The following ASXL2 variants were observed in gnomAD, a reference collection of about 807,000 sequenced individuals.
ASXL2 encodes the protein putative Polycomb group protein ASXL2.
Under a neutral mutation model 122.0 loss-of-function variants are expected in ASXL2, and 23 were observed. That is an observed-to-expected ratio of 0.19 (90% CI 0.14 to 0.27). The LOEUF (loss-of-function observed/expected upper bound fraction) is 0.27. ASXL2 is among the 10% of genes least tolerant of loss of function. ASXL2 has a pLI of 1.00. For synonymous variants in ASXL2, 650 were observed against 637.0 expected (o/e 1.02, Z -0.31); for missense variants, 1,518 against 1,713.8 (o/e 0.89, Z 2.02).
intron 3 of ASXL2, among the ~76,000 whole-genome samples, chr2:25,814,346 T>C (rs2089209066): frequency 1.3e-5 from 2 of 152,202 alleles, no homozygotes; most frequent in Non-Finnish European, 2.9e-5. Context: ...CAGAATTCTA[T>C]AATTAAATAA....
intron 1 of ASXL2, among the ~76,000 whole-genome samples, chr2:25,854,808 G>A (rs965186957): frequency 1.1e-4 from 16 of 152,176 alleles, no homozygotes; most frequent in African/African-American, 3.6e-4. Context: ...TATTAATACG[G>A]CCTTGGAACC....
intron 1 of ASXL2, among the ~76,000 whole-genome samples, chr2:25,856,213 T>G (rs1319728985): frequency 6.6e-6 from 1 of 151,720 alleles, no homozygotes; most frequent in Non-Finnish European, 1.5e-5. Context: ...TGTACCACCA[T>G]GCCCAGCTAA....
In ASXL2 at chr2:25,744,276, T is replaced by A. The variant is rs778038567; in HGVS notation, c.2061A>T (p.Gly687=). Residue 687 remains glycine (G), a synonymous_variant, in exon 13 of 13, where the codon GGA becomes GGT. Coordinates refer to ENST00000435504, the MANE Select transcript of ASXL2 (RefSeq NM_018263.6). This position sits in a 1 kb window ranked among gnomAD's most constrained non-coding sequence, Gnocchi z 4.7. ...CTGGGCCAGGTCCTGGAATGGTCCC[T>A]CCAACTGAGGCGGCTGCAGCAGCTG... ...AAAAAAAASV[G]GTIPGPGPGG... 3 of 1,613,332 alleles carry A rather than the reference T, an allele frequency of 1.9e-6. No individual in the cohort carries two copies. In the Admixed American group the frequency reaches 5.0e-5, roughly 27 times the overall value.
chr2:25,763,048 T>C (rs2149149320), intron 8 of ASXL2, among the ~76,000 whole-genome samples: 1 of 152,224 alleles, frequency 6.6e-6, no homozygotes, highest in East Asian at 1.9e-4. Context: ...ACATCCAATA[T>C]AAAGAAACTT....
At chr2:25,824,553 C>G (rs1268624893) in intron 3 of ASXL2, among the ~76,000 whole-genome samples, 1 of 152,098 alleles carries the variant, frequency 6.6e-6, no homozygotes, top group Admixed American at 6.5e-5. Flanking sequence ...TGTACACTAT[C>G]TAAAAACTGT....
In ASXL2 at chr2:25,742,537, T is replaced by C; in HGVS notation, c.3800A>G (p.Gln1267Arg). ...DEKTLARDLI[Q>R]AAQKQMAHAV... ...ATGAGCCATCTGCTTCTGTGCTGCC[T>C]GAATTAAATCTCTGGCTAGGGTCTT... Residue 1267 changes from glutamine to arginine, a missense_variant, in exon 13 of 13, where the codon CAG (glutamine) becomes CGG (arginine). By Grantham distance (43) the Gln-to-Arg change is conservative (BLOSUM62 1). Coordinates refer to ENST00000435504, the MANE Select transcript of ASXL2 (RefSeq NM_018263.6). 1 of 1,614,020 alleles carries C rather than the reference T, an allele frequency of 6.2e-7. No homozygotes were observed. Among genetic ancestry groups the C allele is most frequent in the Non-Finnish European group, 8.5e-7 (1 of 1,179,886 alleles).
chr2:25,861,269 C>T (rs1172919333), intron 1 of ASXL2, among the ~76,000 whole-genome samples: 2 of 152,030 alleles, frequency 1.3e-5, no homozygotes, highest in East Asian at 3.9e-4. Context: ...TTAGTAGTAC[C>T]ACAAATGAAA....
chr2:25,862,520 T>C (rs753640276), intron 1 of ASXL2, among the ~76,000 whole-genome samples: 2 of 152,180 alleles, frequency 1.3e-5, no homozygotes, highest in African/African-American at 2.4e-5. Flanking sequence ...TTCAAATTAA[T>C]TTGACAAGTA....
rs1245804899 is a variant in ASXL2, at chr2:25,778,661, T to C, written c.404-7121A>G. Among the ~76,000 whole-genome samples the C allele has an allele frequency of 2.0e-5, 3 of 152,194 alleles. No homozygotes were observed. The South Asian group carries it at 6.2e-4, about 32-fold the overall frequency. ...CTACATATAATGTTTTAAAAATATA[T>C]ACTTAGCACCCAAATCGTCCCATTT... On this transcript the variant is annotated intron_variant, in intron 5 of 12. Transcript: ENST00000435504.
At chr2:25,828,312 C>T (rs557167398) in intron 3 of ASXL2, among the ~76,000 whole-genome samples, 29 of 151,580 alleles carry the variant, frequency 1.9e-4, no homozygotes, top group African/African-American at 7.0e-4. Context: ...CGAGACCAGC[C>T]TGACCAACAT....
chr2:25,866,168 G>A (rs1212656366), intron 1 of ASXL2, among the ~76,000 whole-genome samples: 1 of 142,662 alleles, frequency 7.0e-6, no homozygotes, highest in Admixed American at 7.4e-5. Flanking sequence ...GTCTCGCTCT[G>A]TCGCAAGGCT....
Position 25,742,652 on chromosome 2 carries a change from T to C in ASXL2, c.3685A>G (p.Lys1229Glu). The C allele has an allele frequency of 6.2e-7, 1 of 1,614,016 alleles. No homozygotes were observed. Among genetic ancestry groups the C allele is most frequent in the Admixed American group, 1.7e-5 (1 of 60,030 alleles). Residue 1229 changes from lysine to glutamate, a missense_variant, in exon 13 of 13, where the codon AAG becomes GAG. Around this residue, in one of 8 missense-constraint regions of ASXL2, gnomAD observed 831 missense variants for 833.1 expected, o/e 1.00. Coordinates refer to ENST00000435504, the MANE Select transcript of ASXL2 (RefSeq NM_018263.6). ...TLSTSDCLAS[K>E]NVKAEIPLNE... is the part of the protein sequence containing the mutation. The stretch of plus-strand genomic sequence containing the variant: ...AATGGTATCTCAGCCTTCACATTCT[T>C]GCTAGCTAAGCAATCACTGGTAGAT...
At chr2:25,773,621 A>C (rs2088495872) in intron 5 of ASXL2, among the ~76,000 whole-genome samples, 1 of 149,720 alleles carries the variant, frequency 6.7e-6, no homozygotes, top group African/African-American at 2.5e-5. Flanking sequence ...AGCCGAGATT[A>C]CGCCACTGCA....
At chr2:25,812,444 C>A (rs1181091883) in intron 3 of ASXL2, among the ~76,000 whole-genome samples, 1 of 151,988 alleles carries the variant, frequency 6.6e-6, no homozygotes. Flanking sequence ...TGGGCAACAA[C>A]AGTGAAAATT....
chr2:25,819,092 C>T (rs1030526341), intron 3 of ASXL2, among the ~76,000 whole-genome samples: 2 of 152,110 alleles, frequency 1.3e-5, no homozygotes, highest in African/African-American at 4.8e-5. Context: ...ATCTGATAAC[C>T]CACAAGGATT....
chr2:25,756,179 C>A, intron 9 of ASXL2, 65 bp from the exon 10 acceptor site: 1 of 924,562 alleles, frequency 1.1e-6, no homozygotes, highest in South Asian at 2.2e-5. Flanking sequence ...TCGTATTTGA[C>A]CTTCCTTTCA....
chr2:25,849,380 G>A (rs2089690671), intron 1 of ASXL2, among the ~76,000 whole-genome samples: 1 of 147,618 alleles, frequency 6.8e-6, no homozygotes, highest in African/African-American at 2.5e-5. Context: ...TTGAACCCAG[G>A]AGGCAGAGGC....
In ASXL2 at chr2:25,742,566, A is replaced by T. The variant is rs773133219; in HGVS notation, c.3771T>A (p.Asp1257Glu). ...NYLFTRGQTF[D>E]EKTLARDLIQ... ...TTAAATCTCTGGCTAGGGTCTTTTC[A>T]TCAAATGTTTGGCCTCTAGTGAACA... The change falls in exon 13 of 13, where the codon GAT becomes GAA. Residue 1257 changes from aspartate to glutamate, a missense_variant. Coordinates refer to ENST00000435504, the MANE Select transcript of ASXL2 (RefSeq NM_018263.6). 2 of 1,613,990 alleles carry T rather than the reference A, an allele frequency of 1.2e-6. No individual in the cohort carries two copies. Among genetic ancestry groups the T allele is most frequent in the East Asian group, 4.5e-5 (2 of 44,876 alleles).
At chr2:25,836,683 C>T (rs1021382218) in intron 2 of ASXL2, among the ~76,000 whole-genome samples, 3 of 152,148 alleles carry the variant, frequency 2.0e-5, no homozygotes, top group African/African-American at 7.2e-5. Flanking sequence ...GGGTGGTTCC[C>T]AGAGTTCTTT....
Sources: allele counts gnomAD v4.1 joint callset (sites outside exome capture counted in the v4.1 genomes callset), GRCh38; gene constraint gnomAD v4.1.1; regional missense constraint gnomAD v4.1.1; non-coding constraint Gnocchi (gnomAD v3.1); transcripts MANE v1.5; gene names NCBI Gene and HGNC (gene_info 2026-07-23, HGNC 2026-07-21).